The following CUBN variants were observed in gnomAD, a reference collection of about 807,000 sequenced individuals.
The protein encoded by CUBN is 460 kDa receptor.
A neutral mutation model predicts 405.3 loss-of-function variants in CUBN; 282 were observed. That is an observed-to-expected ratio of 0.70 (90% CI 0.63 to 0.77). The LOEUF is 0.77. Ranked by LOEUF, CUBN falls within the 30% of genes least tolerant of loss-of-function variation. CUBN has a pLI of 0.00. For missense variants in CUBN, 4,514 were observed against 4,475.2 expected (o/e 1.01, Z -0.25); for synonymous variants, 1,684 against 1,617.0 (o/e 1.04, Z -0.99).
At chr10:17,034,114 G>A (rs933081358) in intron 27 of CUBN, among the ~76,000 whole-genome samples, 2 of 152,196 alleles carry the variant, frequency 1.3e-5, no homozygotes, top group Admixed American at 6.5e-5. Flanking sequence ...ATAAAGACTG[G>A]AGGGAAATGC....
rs764693941 is a variant in CUBN at position 17,114,067 on chromosome 10, G to T, written c.843C>A (p.Phe281Leu). 1 of 1,613,066 alleles carries T rather than the reference G, an allele frequency of 6.2e-7. No individual in the cohort carries two copies. The change falls in exon 8 of 67, where the codon TTC becomes TTA. Residue 281 changes from phenylalanine to leucine, a missense_variant. Coordinates refer to ENST00000377833, the MANE Select transcript of CUBN (RefSeq NM_001081.4). Reference sequence around the variant, plus strand: ...CACAGTAGAAAGAGCCTTGAGTGTTGAAACACTGCACAAGTGTGGAGCAAG... The same window carrying T: ...CACAGTAGAAAGAGCCTTGAGTGTTTAAACACTGCACAAGTGTGGAGCAAG... The part of the protein sequence containing the change: ...PGPCSTLVQC[F>L]NTQGSFYCGA...
intron 40 of CUBN, among the ~76,000 whole-genome samples, chr10:16,928,532 C>CCCCTCT (rs1403918589): frequency 9.3e-6 from 1 of 107,122 alleles, no homozygotes. Context: ...CCACCCCCCC[C>CCCCTCT]TTTTTTTTTT....
At chr10:17,081,912 C>G (rs1835979085) in intron 17 of CUBN, among the ~76,000 whole-genome samples, 2 of 152,116 alleles carry the variant, frequency 1.3e-5, no homozygotes, top group African/African-American at 2.4e-5. Context: ...ATATAAAAAT[C>G]TATCTATTAA....
At chr10:17,015,365 G>A (rs1303449681) in intron 28 of CUBN, among the ~76,000 whole-genome samples, 5 of 152,148 alleles carry the variant, frequency 3.3e-5, no homozygotes. Context: ...AATAGCTCCA[G>A]CTTTGGCTAA....
At chr10:16,977,399 G>A (rs1833130409) in intron 31 of CUBN, among the ~76,000 whole-genome samples, 1 of 152,196 alleles carries the variant, frequency 6.6e-6, no homozygotes, top group South Asian at 2.1e-4. Context: ...CAGTACAGCA[G>A]AGAAAGAGAG....
intron 27 of CUBN, among the ~76,000 whole-genome samples, chr10:17,039,124 G>A (rs1834961494): frequency 6.6e-6 from 1 of 152,046 alleles, no homozygotes; most frequent in Non-Finnish European, 1.5e-5. Flanking sequence ...CAATTCAAAA[G>A]CATCCTCCTT....
At position 16,904,021 on chromosome 10, in the gene CUBN, A is replaced by C. The variant is rs1268218629; in HGVS notation, c.8007T>G (p.Phe2669Leu). ...TGTGTTCTACACGTTCGTTGGTGAC[A>C]AAGTGAATCCATACCTGAGAATAAG... is the stretch of plus-strand genomic sequence containing the variant. ...VIPYSQVWIH[F>L]VTNERVEHIG... The change falls in exon 51 of 67, where the codon TTT becomes TTG. Residue 2669 changes from phenylalanine to leucine, a missense_variant. Physicochemically the swap from Phe to Leu is conservative, Grantham distance 22. Around this residue, in one of 5 missense-constraint regions of CUBN, gnomAD observed 1,186 missense variants for 1,186.9 expected, o/e 1.00. Transcript: ENST00000377833. The C allele has an allele frequency of 6.2e-7, 1 of 1,613,758 alleles. No homozygotes were observed. Among genetic ancestry groups the C allele is most frequent in the East Asian group, 2.2e-5 (1 of 44,862 alleles).
chr10:16,839,170 T>C (rs1253728816), intron 62 of CUBN, among the ~76,000 whole-genome samples: 1 of 152,096 alleles, frequency 6.6e-6, no homozygotes, highest in African/African-American at 2.4e-5. Flanking sequence ...ATGGGTGTTA[T>C]ATGGGGGATT....
chr10:16,989,832 G>A (rs1398671027), intron 29 of CUBN, among the ~76,000 whole-genome samples: 1 of 152,196 alleles, frequency 6.6e-6, no homozygotes, highest in Non-Finnish European at 1.5e-5. Flanking sequence ...GCCCTGGTAG[G>A]CCATCCCTGT....
chr10:16,865,978 C>T (rs1564393309), intron 59 of CUBN, among the ~76,000 whole-genome samples: 2 of 152,142 alleles, frequency 1.3e-5, no homozygotes, highest in African/African-American at 2.4e-5. Flanking sequence ...AACACAGGCA[C>T]TGCCACCACT....
At position 17,073,354 on chromosome 10, in the gene CUBN, CA is replaced by C. The variant is rs1354959360; in HGVS notation, c.2302-1384del. Among the ~76,000 whole-genome samples, 3 of 150,104 alleles carry C rather than the reference CA, an allele frequency of 2.0e-5. No homozygotes were observed. In the South Asian group the frequency reaches 6.3e-4, roughly 32 times the overall value. ...AAGCCATATGATAACTCCATAAATT[CA>C]AAAAACATTGTTAGCATTCCTGTTT... On this transcript the variant is annotated intron_variant, in intron 17 of 66. Transcript: ENST00000377833.
intron 54 of CUBN, 52 bp from the exon 55 acceptor site, chr10:16,890,579 T>C (rs1840976932): frequency 6.3e-7 from 1 of 1,590,826 alleles, no homozygotes; most frequent in African/African-American, 1.3e-5. Context: ...CCATCAATAT[T>C]TTAATGCACT....
chr10:16,852,105 CTCCCTCCCTCCATCTT>C (rs1472663904), intron 59 of CUBN, among the ~76,000 whole-genome samples: 1 of 124,714 alleles, frequency 8.0e-6, no homozygotes, highest in Non-Finnish European at 1.7e-5. Flanking sequence ...CTATCTTTCC[CTCCCTCCCTCCATCTT>C]TCCCTCCCTC....
At chr10:16,899,206 G>A in intron 53 of CUBN, 23 bp from the exon 54 acceptor site, 1 of 1,595,412 alleles carries the variant, frequency 6.3e-7, no homozygotes, top group Non-Finnish European at 8.6e-7. Context: ...CATGTAAAAA[G>A]CCATCAATCA....
chr10:17,036,812 C>T (rs554161092), intron 27 of CUBN, among the ~76,000 whole-genome samples: 19 of 152,234 alleles, frequency 1.2e-4, no homozygotes, highest in East Asian at 1.9e-4. Context: ...TTTCTCTTTG[C>T]GGCAGTGTCA....
chr10:17,074,869 G>T (rs7092987), intron 17 of CUBN, among the ~76,000 whole-genome samples: 4,149 of 152,058 alleles, frequency 0.027, 198 homozygotes, highest in African/African-American at 0.096. Context: ...TTAAATCAGT[G>T]TATTTCATTT....
chr10:16,959,039 G>A (rs1331637098), intron 31 of CUBN, among the ~76,000 whole-genome samples: 3 of 152,130 alleles, frequency 2.0e-5, no homozygotes, highest in Admixed American at 6.6e-5. Context: ...GAGAGAACCT[G>A]TTGTTGCAAG....
chr10:16,878,626 C>A (rs1840582308), intron 56 of CUBN, among the ~76,000 whole-genome samples: 1 of 152,186 alleles, frequency 6.6e-6, no homozygotes, highest in Non-Finnish European at 1.5e-5. Context: ...TCTCCCACAA[C>A]ATTTTTGGCA....
At chr10:16,931,481 A>G (rs1413558946) in intron 40 of CUBN, among the ~76,000 whole-genome samples, 1 of 152,190 alleles carries the variant, frequency 6.6e-6, no homozygotes, top group Non-Finnish European at 1.5e-5. Flanking sequence ...ACTTTAAAAC[A>G]TTTGTGTTGT....
Sources: gnomAD v4.1 joint callset for allele counts (sites outside exome capture counted in the v4.1 genomes callset) on GRCh38, gnomAD v4.1.1 for gene constraint, gnomAD v4.1.1 regional missense constraint, MANE v1.5 for transcripts, NCBI Gene and HGNC (gene_info 2026-07-23, HGNC 2026-07-21) for gene names.